The following GPC5 variants were observed in gnomAD, a reference collection of about 807,000 sequenced individuals.
GPC5 encodes the protein glypican 5.
A neutral mutation model predicts 53.9 loss-of-function variants in GPC5; 47 were observed. The observed-to-expected ratio is 0.87, with a 90% CI of 0.69 to 1.11. GPC5 has a LOEUF of 1.11. GPC5 is among the 50% of genes most tolerant of loss of function. The pLI is 0.00. For missense variants in GPC5, 748 were observed against 713.1 expected, an observed-to-expected ratio of 1.05 and a Z score of -0.56; for synonymous variants, 286 against 263.3, an observed-to-expected ratio of 1.09 and a Z score of -0.84.
intron 7 of GPC5, among the ~76,000 whole-genome samples, chr13:92,539,511 G>A (rs185102556): frequency 3.8e-4 from 58 of 151,946 alleles, no homozygotes; most frequent in African/African-American, 1.3e-3. Context: ...CTTTTTGATG[G>A]GGTTGTTTAT....
chr13:92,011,622 C>T (rs547050909), intron 6 of GPC5, among the ~76,000 whole-genome samples: 1 of 152,256 alleles, frequency 6.6e-6, no homozygotes, highest in African/African-American at 2.4e-5. Flanking sequence ...GTGGCATCCT[C>T]TTATGGGGTA....
intron 5 of GPC5, among the ~76,000 whole-genome samples, chr13:91,832,243 A>G (rs1401259709): frequency 6.7e-6 from 1 of 150,056 alleles, no homozygotes; most frequent in African/African-American, 2.5e-5. Flanking sequence ...TGTCTCTTTT[A>G]ATCTTTGTTG....
At chr13:91,525,200 TC>T (rs1160117311) in intron 2 of GPC5, among the ~76,000 whole-genome samples, 18 of 152,254 alleles carry the variant, frequency 1.2e-4, no homozygotes, top group South Asian at 6.2e-4. Flanking sequence ...ATCTTACTTT[TC>T]CCCCCAAGAA....
intron 7 of GPC5, among the ~76,000 whole-genome samples, chr13:92,540,586 C>G (rs928939731): frequency 3.3e-5 from 5 of 151,682 alleles, no homozygotes; most frequent in Non-Finnish European, 7.4e-5. Context: ...ATTGATTTGA[C>G]CAGCTTATTT....
At chr13:92,385,487 C>CATATATACACATATATACATAT (rs1566567682) in intron 7 of GPC5, among the ~76,000 whole-genome samples, 4 of 55,470 alleles carry the variant, frequency 7.2e-5, no homozygotes, top group Admixed American at 1.9e-4. Flanking sequence ...TACATATATA[C>CATATATACACATATATACATAT]ACATATATAC....
chr13:91,949,801 A>G (rs1265543697), intron 6 of GPC5, among the ~76,000 whole-genome samples: 1 of 134,916 alleles, frequency 7.4e-6, no homozygotes, highest in Non-Finnish European at 1.6e-5. Flanking sequence ...TAAGCATTAT[A>G]TTATTTTGCA....
intron 7 of GPC5, among the ~76,000 whole-genome samples, chr13:92,454,723 C>T (rs980509334): frequency 3.3e-5 from 5 of 152,060 alleles, no homozygotes; most frequent in African/African-American, 1.2e-4. Context: ...AGCCTTTGTC[C>T]TCACCGATGA....
At chr13:92,653,133 C>A (rs1269902652) in intron 7 of GPC5, among the ~76,000 whole-genome samples, 1 of 152,178 alleles carries the variant, frequency 6.6e-6, no homozygotes, top group African/African-American at 2.4e-5. Context: ...TATCAAGCAG[C>A]GTACTGCTGT....
chr13:92,552,696 T>A (rs1024594695), intron 7 of GPC5, among the ~76,000 whole-genome samples: 1 of 151,954 alleles, frequency 6.6e-6, no homozygotes, highest in African/African-American at 2.4e-5. Context: ...ACTCAGTAGA[T>A]TTCTTGGCTC....
chr13:91,580,219 T>A (rs1227218491), intron 2 of GPC5, among the ~76,000 whole-genome samples: 4 of 151,998 alleles, frequency 2.6e-5, no homozygotes, highest in Non-Finnish European at 5.9e-5. Flanking sequence ...CCTGGCTATT[T>A]CTTTGTATTT....
At chr13:92,385,453 CATATATACACAT>C (rs1241367955) in intron 7 of GPC5, among the ~76,000 whole-genome samples, 19 of 119,382 alleles carry the variant, frequency 1.6e-4, no homozygotes, top group African/African-American at 6.1e-4. Flanking sequence ...TACATATATA[CATATATACACAT>C]ATATACATAT....
chr13:91,490,534 G>A (rs531882253), intron 2 of GPC5, among the ~76,000 whole-genome samples: 1 of 152,066 alleles, frequency 6.6e-6, no homozygotes, highest in South Asian at 2.1e-4. Context: ...TAATTATTTA[G>A]CTTGGGTGAG....
chr13:91,466,377 G>T (rs960831619), intron 2 of GPC5, among the ~76,000 whole-genome samples: 1 of 152,142 alleles, frequency 6.6e-6, no homozygotes, highest in Non-Finnish European at 1.5e-5. Context: ...TCCTAGTTAG[G>T]GGGCAGGGGG....
At chr13:91,681,309 G>A (rs2035503667) in intron 2 of GPC5, among the ~76,000 whole-genome samples, 1 of 152,160 alleles carries the variant, frequency 6.6e-6, no homozygotes, top group African/African-American at 2.4e-5. Context: ...GAGGGTATAA[G>A]AGAATGCGTC....
intron 7 of GPC5, among the ~76,000 whole-genome samples, chr13:92,345,908 T>C (rs2043407600): frequency 6.6e-6 from 1 of 152,218 alleles, no homozygotes; most frequent in African/African-American, 2.4e-5. Flanking sequence ...TTTGTGTTCT[T>C]GACAGCTCAA....
intron 2 of GPC5, among the ~76,000 whole-genome samples, chr13:91,568,576 A>T (rs541161405): frequency 6.6e-6 from 1 of 150,890 alleles, no homozygotes; most frequent in African/African-American, 2.4e-5. Flanking sequence ...AAAAAAAGGC[A>T]TGAAAGTTTA....
chr13:92,860,437 A>G (rs1333738118), intron 7 of GPC5, among the ~76,000 whole-genome samples: 1 of 152,128 alleles, frequency 6.6e-6, no homozygotes, highest in Admixed American at 6.6e-5. Flanking sequence ...TTTAAAAAGT[A>G]TATCCTCAAC....
chr13:92,235,606 A>G (rs1242306489), intron 7 of GPC5, among the ~76,000 whole-genome samples: 4 of 152,046 alleles, frequency 2.6e-5, no homozygotes, highest in African/African-American at 9.7e-5. Context: ...TGTCAAATAT[A>G]TGATTGGCTG....
intron 2 of GPC5, among the ~76,000 whole-genome samples, chr13:91,577,192 T>G (rs1269476038): frequency 6.6e-6 from 1 of 152,214 alleles, no homozygotes; most frequent in African/African-American, 2.4e-5. Context: ...GGACTTCCTT[T>G]TAGCCGCTTA....
Sources: gnomAD v4.1 joint callset for allele counts (sites outside exome capture counted in the v4.1 genomes callset) on GRCh38, gnomAD v4.1.1 for gene constraint, MANE v1.5 for transcripts, NCBI Gene and HGNC (gene_info 2026-07-23, HGNC 2026-07-21) for gene names.